The following MON2 variants were observed in gnomAD, a reference collection of about 807,000 sequenced individuals.
MON2 encodes protein MON2 homolog.
In MON2, 84 loss-of-function variants were observed where a neutral mutation model predicts 208.6. The ratio of observed to expected loss-of-function variants is 0.40; its 90% CI spans 0.34 to 0.48. The LOEUF (loss-of-function observed/expected upper bound fraction) is 0.48. Ranked by LOEUF, MON2 falls within the 20% of genes least tolerant of loss-of-function variation. The probability of loss-of-function intolerance (pLI) is 0.59; values close to 1 mark genes in which losing one functional copy is unlikely to be tolerated. For missense variants in MON2, 1,611 were observed against 2,015.4 expected (o/e 0.80, Z 3.84); for synonymous variants, 660 against 694.0 (o/e 0.95, Z 0.77).
Position 62,544,931 on chromosome 12 carries a change from T to C in MON2, c.2500T>C (p.Trp834Arg). The change falls in exon 21 of 35, where the codon TGG becomes CGG. Residue 834 changes from tryptophan to arginine, a missense_variant. By Grantham distance (101) the Trp-to-Arg change is moderately radical. Coordinates refer to ENST00000393630, the MANE Select transcript of MON2 (RefSeq NM_015026.3). ...CQHPNSRMREWGAEALTSLIK... is the reference protein window; with the variant it reads ...CQHPNSRMRERGAEALTSLIK... The stretch of plus-strand genomic sequence containing the variant: ...GCATCCAAACTCTCGAATGAGAGAA[T>C]GGGGAGCAGAAGCTTTAACTTCTCT... The C allele has an allele frequency of 6.2e-7, 1 of 1,609,610 alleles. No individual in the cohort carries two copies. Among genetic ancestry groups the C allele is most frequent in the South Asian group, 1.1e-5 (1 of 89,934 alleles).
chr12:62,495,281 T>C (rs969307050), intron 4 of MON2, 134 bp downstream of exon 4: 1 of 716,138 alleles, frequency 1.4e-6, no homozygotes, highest in South Asian at 2.8e-5. Context: ...TGACATTGCA[T>C]GTTAATAACT....
Position 62,556,080 on chromosome 12 carries a change from C to T in MON2, c.3297C>T (p.Leu1099=), listed in dbSNP as rs761042908. Residue 1099 remains leucine, a synonymous_variant, in exon 25 of 35, where the codon CTC becomes CTT. Coordinates refer to ENST00000393630, the MANE Select transcript of MON2 (RefSeq NM_015026.3). ...EKIESGGGNI[L]IHHSRDTAEK... is the part of the protein sequence containing the mutation. ...TTGAGTCTGGAGGTGGCAATATTCTCATTCATCATTCAAGGGACACCGCCG... is the reference window on the plus strand; with the variant it reads ...TTGAGTCTGGAGGTGGCAATATTCTTATTCATCATTCAAGGGACACCGCCG... 1 of 1,613,960 alleles carries T rather than the reference C, an allele frequency of 6.2e-7. No individual in the cohort carries two copies. The highest frequency in any genetic ancestry group is 8.5e-7 in the Non-Finnish European group (1 of 1,179,958).
intron 33 of MON2, 153 bp downstream of exon 33, chr12:62,585,654 C>A: frequency 1.7e-6 from 1 of 582,538 alleles, no homozygotes; most frequent in Non-Finnish European, 2.9e-6. Context: ...TAAATATTCA[C>A]AGGTTTTCCT....
At chr12:62,590,018 T>C (rs2075346185) in intron 34 of MON2, among the ~76,000 whole-genome samples, 1 of 152,118 alleles carries the variant, frequency 6.6e-6, no homozygotes, top group Admixed American at 6.5e-5. Flanking sequence ...AAGAATGACT[T>C]CATTATTTGT....
intron 5 of MON2, among the ~76,000 whole-genome samples, chr12:62,499,892 TA>T (rs78737719): frequency 2.7e-5 from 4 of 149,802 alleles, no homozygotes; most frequent in Admixed American, 6.6e-5. Flanking sequence ...AAATTTTTTT[TA>T]AAATATTTTT....
chr12:62,558,005 G>A (rs1417233819), intron 25 of MON2, among the ~76,000 whole-genome samples: 4 of 83,300 alleles, frequency 4.8e-5, no homozygotes, highest in African/African-American at 1.9e-4. Context: ...ATGGAGTCTC[G>A]TTCTTGTTGC....
At position 62,599,376 on chromosome 12, in the gene MON2, C is replaced by T. The variant is rs1034381496; in HGVS notation, c.*6627C>T. ...CCTGTCCATATCAATGCCAGACTAT[C>T]TCTCTACCTCTCAAAGAAAATAATT... On this transcript the variant is annotated 3_prime_UTR_variant, in exon 35 of 35. Transcript: ENST00000393630. 3.9e-5 allele frequency: 6 copies of T among 152,130 alleles called. No individual in the cohort carries two copies. The highest frequency in any genetic ancestry group is 1.4e-4 in the African/African-American group (6 of 41,426). 9.4% of individuals were successfully genotyped at this position (152,130 alleles called of 1,614,324 possible).
intron 8 of MON2, among the ~76,000 whole-genome samples, chr12:62,512,805 C>G (rs2071480235): frequency 6.6e-6 from 1 of 152,200 alleles, no homozygotes; most frequent in African/African-American, 2.4e-5. Flanking sequence ...GCTCCTACAG[C>G]AAACTTCTGC....
At chr12:62,498,723 TACC>T (rs1355237700) in intron 4 of MON2, among the ~76,000 whole-genome samples, 193 bp from the exon 5 acceptor site, 1 of 152,228 alleles carries the variant, frequency 6.6e-6, no homozygotes, top group Non-Finnish European at 1.5e-5. Context: ...TGTTTCACAT[TACC>T]ATAGCTAATC....
intron 34 of MON2, among the ~76,000 whole-genome samples, chr12:62,591,165 T>A (rs189275498): frequency 1.3e-4 from 20 of 152,364 alleles, no homozygotes; most frequent in African/African-American, 4.3e-4. Context: ...GCAGAATTTT[T>A]AAAACTTCTT....
In MON2 at chr12:62,547,935, C is replaced by A. The variant is rs117962215; in HGVS notation, c.2753+863C>A. Among the ~76,000 whole-genome samples, 19 of 152,212 alleles carry A rather than the reference C, an allele frequency of 1.2e-4. No individual in the cohort carries two copies. The East Asian group carries it at 3.5e-3, about 28-fold the overall frequency. On this transcript the variant is annotated intron_variant, in intron 22 of 34. Coordinates refer to ENST00000393630, the MANE Select transcript of MON2 (RefSeq NM_015026.3). ...TGTGATGTTCATACAGCAACAGAAT[C>A]GCCGAATGACACATTTCTCAGATCA...
At chr12:62,583,582 G>C (rs2075081717) in intron 32 of MON2, among the ~76,000 whole-genome samples, 1 of 151,942 alleles carries the variant, frequency 6.6e-6, no homozygotes, top group African/African-American at 2.4e-5. Flanking sequence ...ATGTCATTAT[G>C]AAATATCAGA....
intron 2 of MON2, among the ~76,000 whole-genome samples, chr12:62,488,734 ACAGTACAG>A (rs1238005713): frequency 6.6e-6 from 1 of 152,198 alleles, no homozygotes; most frequent in Non-Finnish European, 1.5e-5. Context: ...TAGTTTATCT[ACAGTACAG>A]TGTGCTTTTA....
chr12:62,493,246 T>G (rs894937677), intron 2 of MON2, among the ~76,000 whole-genome samples: 57 of 152,206 alleles, frequency 3.7e-4, no homozygotes, highest in Non-Finnish European at 6.2e-4. Flanking sequence ...TCTAACCTCG[T>G]GCATTTTCTA....
intron 1 of MON2, 65 bp from the exon 2 acceptor site, chr12:62,484,105 T>C: frequency 8.4e-7 from 1 of 1,186,772 alleles, no homozygotes; most frequent in East Asian, 2.4e-5. Context: ...CACATATGAC[T>C]TATTTTCCAT....
At position 62,546,923 on chromosome 12, in the gene MON2, G is replaced by A. The variant is rs140685723; in HGVS notation, c.2604G>A (p.Pro868=). Reference sequence around the variant, plus strand: ...GGCTGCAGTTGCTTTTATTGAACCCGTTAAAGGAGATGTCCAATATTAATC... The same window carrying A: ...GGCTGCAGTTGCTTTTATTGAACCCATTAAAGGAGATGTCCAATATTAATC... ...NQRLQLLLLN[P]LKEMSNINHP... is the part of the protein sequence containing the mutation. The change falls in exon 22 of 35, where the codon CCG becomes CCA. Residue 868 remains proline (P), a synonymous_variant. Coordinates refer to ENST00000393630, the MANE Select transcript of MON2 (RefSeq NM_015026.3). 40 of 1,611,524 alleles carry A rather than the reference G, an allele frequency of 2.5e-5. No homozygotes were observed. The highest frequency in any genetic ancestry group is 2.4e-4 in the African/African-American group (18 of 74,716).
rs913066897 is a variant in MON2, at chr12:62,594,114, G to A, written c.*1365G>A. On this transcript the variant is annotated 3_prime_UTR_variant, in exon 35 of 35. Coordinates refer to ENST00000393630, the MANE Select transcript of MON2 (RefSeq NM_015026.3). ...TCTGAGTTAAATTTTCATAATTTATGTGAAGACACAAAGATGTTTAAAACA... is the reference window on the plus strand; with the variant it reads ...TCTGAGTTAAATTTTCATAATTTATATGAAGACACAAAGATGTTTAAAACA... The A allele has an allele frequency of 2.0e-5, 3 of 152,062 alleles. No homozygotes were observed. The highest frequency in any genetic ancestry group is 1.3e-4 in the Admixed American group (2 of 15,274). The allele number at this position is 152,062 out of a possible 1,614,324, so 9.4% of individuals were successfully genotyped here.
Position 62,585,369 on chromosome 12 carries a change from G to T in MON2, c.4775G>T (p.Ser1592Ile). ...GAAACATTACTCCAGTTTTCCTTCA[G>T]TAATAAAGTCACAACACCTCAAGAA... is the stretch of plus-strand genomic sequence containing the variant. ...CFETLLQFSF[S>I]NKVTTPQEGY... Residue 1592 changes from serine (S) to isoleucine (I), a missense_variant, in exon 33 of 35, where the codon AGT (serine) becomes ATT (isoleucine). Coordinates refer to ENST00000393630, the MANE Select transcript of MON2 (RefSeq NM_015026.3). The T allele has an allele frequency of 6.2e-7, 1 of 1,613,834 alleles. No individual in the cohort carries two copies. The highest frequency in any genetic ancestry group is 8.5e-7 in the Non-Finnish European group (1 of 1,179,846).
intron 8 of MON2, among the ~76,000 whole-genome samples, chr12:62,516,794 CT>C (rs1393929258): frequency 1.3e-5 from 2 of 151,952 alleles, no homozygotes; most frequent in Non-Finnish European, 2.9e-5. Flanking sequence ...CCCATTTCCC[CT>C]GATGTGATGA....
Sources: gnomAD v4.1 joint callset for allele counts (sites outside exome capture counted in the v4.1 genomes callset) on GRCh38, gnomAD v4.1.1 for gene constraint, MANE v1.5 for transcripts, NCBI Gene and HGNC (gene_info 2026-07-23, HGNC 2026-07-21) for gene names.